Variants in MYL9 observed in about 807,000 individuals in gnomAD.
The protein encoded by MYL9 is myosin light chain 9.
Under a neutral mutation model 12.8 loss-of-function variants are expected in MYL9, and 7 were observed. The ratio of observed to expected loss-of-function variants is 0.55; its 90% CI spans 0.31 to 1.03. The LOEUF (loss-of-function observed/expected upper bound fraction) is 1.03, where lower values mean the gene tolerates loss of function less well. Ranked by LOEUF, MYL9 falls within the 50% of genes least tolerant of loss-of-function variation. MYL9 has a pLI of 0.05. For missense variants in MYL9, 190 were observed against 242.7 expected (o/e 0.78, Z 1.44); for synonymous variants, 81 against 87.8 (o/e 0.92, Z 0.43).
intron 2 of MYL9, among the ~76,000 whole-genome samples, chr20:36,546,150 C>T (rs2147896918): frequency 6.6e-6 from 1 of 152,348 alleles, no homozygotes; most frequent in African/African-American, 2.4e-5. Flanking sequence ...TTCTCTACTG[C>T]AGATGGGGAA....
At chr20:36,543,543 G>A (rs796947203) in intron 1 of MYL9, among the ~76,000 whole-genome samples, 57 of 152,330 alleles carry the variant, frequency 3.7e-4, no homozygotes, top group African/African-American at 1.3e-3. Flanking sequence ...GGGTCTTCAG[G>A]CGCATATCCC....
At chr20:36,549,036 GC>G in intron 3 of MYL9, 40 bp from the exon 4 acceptor site, 1 of 1,595,442 alleles carries the variant, frequency 6.3e-7, no homozygotes, top group Non-Finnish European at 8.5e-7. Context: ...GTATGTCTCA[GC>G]CCAAGTTCCT....
intron 1 of MYL9, 90 bp from the exon 2 acceptor site, chr20:36,544,769 G>A: frequency 8.9e-7 from 1 of 1,120,350 alleles, no homozygotes; most frequent in South Asian, 1.6e-5. Flanking sequence ...TTGAATGCCA[G>A]GCCGAAGTGC....
chr20:36,547,352 G>A (rs1386284914), intron 2 of MYL9, among the ~76,000 whole-genome samples: 2 of 152,244 alleles, frequency 1.3e-5, no homozygotes, highest in African/African-American at 4.8e-5. Context: ...GGCTCAGAGA[G>A]GTTAAGTAAT....
intron 1 of MYL9, 51 bp from the exon 2 acceptor site, chr20:36,544,808 A>C: frequency 6.7e-7 from 1 of 1,488,526 alleles, no homozygotes; most frequent in Non-Finnish European, 9.1e-7. Context: ...AGGCAGGAAG[A>C]TTCCCTGGCC....
chr20:36,543,830 G>A (rs772574608), intron 1 of MYL9, among the ~76,000 whole-genome samples: 14 of 152,286 alleles, frequency 9.2e-5, no homozygotes, highest in Non-Finnish European at 1.9e-4. Flanking sequence ...GGCTGGAGAA[G>A]AAAGAGCACA....
At chr20:36,548,242 C>T (rs2038126219) in intron 3 of MYL9, 49 bp downstream of exon 3, 4 of 1,551,368 alleles carry the variant, frequency 2.6e-6, no homozygotes, top group South Asian at 2.4e-5. Context: ...GAACAGGGCC[C>T]AGGCATTCAG....
intron 1 of MYL9, among the ~76,000 whole-genome samples, chr20:36,543,194 G>A (rs969892982): frequency 1.3e-5 from 2 of 152,220 alleles, no homozygotes; most frequent in South Asian, 4.1e-4. Context: ...CCTGAACCAT[G>A]CAAGAAACAC....
Position 36,549,059 on chromosome 20 carries a change from C to G in MYL9, c.347-18C>G. ...CAGCCCAAGTTCCTGCTCTCACCCA[C>G]CCTGCCCCTGCCCGCAGGTTTCATC... On this transcript the variant is annotated intron_variant, in intron 3 of 3. Transcript: ENST00000279022. The G allele has an allele frequency of 6.2e-7, 1 of 1,609,464 alleles. No individual in the cohort carries two copies. The highest frequency in any genetic ancestry group is 8.5e-7 in the Non-Finnish European group (1 of 1,178,082).
intron 3 of MYL9, 78 bp downstream of exon 3, chr20:36,548,271 C>G: frequency 6.7e-7 from 1 of 1,492,932 alleles, no homozygotes; most frequent in Non-Finnish European, 9.0e-7. Flanking sequence ...CCCCTAAGGG[C>G]CAGAACAGAC....
chr20:36,544,027 C>A (rs945176991), intron 1 of MYL9, among the ~76,000 whole-genome samples: 3 of 152,128 alleles, frequency 2.0e-5, no homozygotes, highest in Non-Finnish European at 4.4e-5. Context: ...CAGGAACCTT[C>A]AAGGGCTTCA....
At chr20:36,542,661 C>A (rs188740558) in intron 1 of MYL9, among the ~76,000 whole-genome samples, 1 of 152,194 alleles carries the variant, frequency 6.6e-6, no homozygotes, top group Non-Finnish European at 1.5e-5. Context: ...TTGCTCTCCA[C>A]TGACCCAAAC....
rs113315701 is a variant in MYL9 at position 36,543,705 on chromosome 20, T to A, written c.-26-1154T>A. ...TAGCCCAACTATGGCCTGGGATTGG[T>A]GTAAACTGGGGGATCTATGCTGGCC... On this transcript the variant is annotated intron_variant, in intron 1 of 3. Transcript: ENST00000279022. 6.2e-3 allele frequency among the ~76,000 whole-genome samples: 951 copies of A among 152,314 alleles called. 7 individuals carry two copies. The highest frequency in any genetic ancestry group is 0.021 in the African/African-American group (892 of 41,564).
At chr20:36,546,096 G>A (rs1472020197) in intron 2 of MYL9, among the ~76,000 whole-genome samples, 2 of 152,168 alleles carry the variant, frequency 1.3e-5, no homozygotes, top group Non-Finnish European at 2.9e-5. Flanking sequence ...GACTTCCTCA[G>A]GATCAGGACC....
At chr20:36,542,514 C>T (rs2038049526) in intron 1 of MYL9, among the ~76,000 whole-genome samples, 1 of 152,204 alleles carries the variant, frequency 6.6e-6, no homozygotes, top group Non-Finnish European at 1.5e-5. Context: ...CCCACCCATG[C>T]CTGCCCCTCG....
At chr20:36,542,120 G>C (rs561173152) in intron 1 of MYL9, among the ~76,000 whole-genome samples, 2 of 152,134 alleles carry the variant, frequency 1.3e-5, no homozygotes, top group African/African-American at 4.8e-5. Flanking sequence ...GCAGGGACCC[G>C]GGCCTTCCCC....
At chr20:36,546,488 C>T (rs2038101529) in intron 2 of MYL9, among the ~76,000 whole-genome samples, 1 of 152,196 alleles carries the variant, frequency 6.6e-6, no homozygotes, top group South Asian at 2.1e-4. Context: ...ACCAGGCAAA[C>T]CTGAGTGGGA....
At chr20:36,548,331 C>T in intron 3 of MYL9, 138 bp downstream of exon 3, 1 of 1,210,490 alleles carries the variant, frequency 8.3e-7, no homozygotes, top group Non-Finnish European at 1.1e-6. Flanking sequence ...GCCAGGCCAC[C>T]TCCTTATTGT....
chr20:36,548,207 C>G lies in MYL9; in HGVS notation c.346+14C>G. 9 of 1,595,540 alleles carry G rather than the reference C, an allele frequency of 5.6e-6. No homozygotes were observed. The highest frequency in any genetic ancestry group is 6.8e-6 in the Non-Finnish European group (8 of 1,168,380). The stretch of plus-strand genomic sequence containing the variant: ...AGGAAGCCTCAGGTCCGTGGCGCCC[C>G]CTACCACCACTCTGCATGCAAGTGG... On this transcript the variant is annotated intron_variant, in intron 3 of 3. Transcript: ENST00000279022.
Sources: allele counts gnomAD v4.1 joint callset (sites outside exome capture counted in the v4.1 genomes callset), GRCh38; gene constraint gnomAD v4.1.1; transcripts MANE v1.5; gene names NCBI Gene and HGNC (gene_info 2026-07-23, HGNC 2026-07-21).